NDUFA12: variants seen among roughly 807,000 people sequenced by gnomAD.
NDUFA12 encodes NADH dehydrogenase [ubiquinone] 1 alpha subcomplex subunit 12.
In NDUFA12, 17 loss-of-function variants were observed where a neutral mutation model predicts 20.3. The ratio of observed to expected loss-of-function variants is 0.84; its 90% confidence interval spans 0.57 to 1.26. The LOEUF (loss-of-function observed/expected upper bound fraction) is 1.26, where lower values mean the gene tolerates loss of function less well. NDUFA12 is among the 50% of genes most tolerant of loss of function. The pLI, the probability that NDUFA12 is intolerant of heterozygous loss-of-function variation, is 0.00. For synonymous variants in NDUFA12, 72 were observed against 63.6 expected (o/e 1.13, Z -0.63); for missense variants, 191 against 183.7 (o/e 1.04, Z -0.23).
At chr12:94,985,626 CAAAAAA>C (rs35674364) in intron 3 of NDUFA12, among the ~76,000 whole-genome samples, 2 of 43,570 alleles carry the variant, frequency 4.6e-5, no homozygotes, top group African/African-American at 9.0e-5. Flanking sequence ...GACTCCATCT[CAAAAAA>C]AAAAAAAAAA....
At chr12:95,001,738 C>T (rs1875039781) in intron 2 of NDUFA12, among the ~76,000 whole-genome samples, 1 of 152,176 alleles carries the variant, frequency 6.6e-6, no homozygotes, top group African/African-American at 2.4e-5. Context: ...AAGAGTCTCG[C>T]TCTGTTGCCA....
At chr12:94,992,281 A>T (rs551865284) in intron 3 of NDUFA12, among the ~76,000 whole-genome samples, 1 of 152,342 alleles carries the variant, frequency 6.6e-6, no homozygotes, top group African/African-American at 2.4e-5. Flanking sequence ...TGCGTATTAT[A>T]AAGTCATACA....
chr12:94,988,673 C>T (rs1392261601), intron 3 of NDUFA12, among the ~76,000 whole-genome samples: 3 of 152,136 alleles, frequency 2.0e-5, no homozygotes, highest in Non-Finnish European at 4.4e-5. Flanking sequence ...AAGACACATA[C>T]CCCCTTGAAG....
At chr12:94,984,680 A>T (rs1761237190) in intron 3 of NDUFA12, among the ~76,000 whole-genome samples, 1 of 121,438 alleles carries the variant, frequency 8.2e-6, no homozygotes, top group Non-Finnish European at 1.6e-5. Context: ...AATGATGAAG[A>T]CTTTTCAAAA....
Position 95,002,847 on chromosome 12 carries a change from C to T in NDUFA12, c.87-26G>A, listed in dbSNP as rs531715488. 2.3e-4 allele frequency: 364 copies of T among 1,573,010 alleles called. 4 individuals are homozygous for T. The South Asian group carries it at 3.7e-3, about 16-fold the overall frequency. On this transcript the variant is annotated intron_variant, in intron 1 of 3. Transcript: ENST00000327772. The stretch of plus-strand genomic sequence containing the variant: ...CTGTGAATACCCAAAAGAAAACAGA[C>T]ATTTTAGAATGATTCTTAGTTCAAA...
At chr12:94,971,699 G>A (rs1698786708) in intron 3 of NDUFA12, 79 bp from the exon 4 acceptor site, 1 of 1,522,634 alleles carries the variant, frequency 6.6e-7, no homozygotes, top group Non-Finnish European at 9.1e-7. Flanking sequence ...ACGTAGCCCT[G>A]GAACTATTTT....
chr12:94,991,538 G>A (rs1440560661), intron 3 of NDUFA12, among the ~76,000 whole-genome samples: 1 of 151,832 alleles, frequency 6.6e-6, no homozygotes. Context: ...GACCAACCTG[G>A]CCAACATGGT....
At chr12:94,988,212 G>A (rs955791496) in intron 3 of NDUFA12, among the ~76,000 whole-genome samples, 1 of 152,044 alleles carries the variant, frequency 6.6e-6, no homozygotes, top group African/African-American at 2.4e-5. Flanking sequence ...TAATTCTCAA[G>A]CCCAACCAAA....
At chr12:94,973,666 G>A (rs894727767) in intron 3 of NDUFA12, among the ~76,000 whole-genome samples, 1 of 152,170 alleles carries the variant, frequency 6.6e-6, no homozygotes, top group African/African-American at 2.4e-5. Flanking sequence ...AAGTGAGGAA[G>A]TGAAGAGCTC....
At chr12:94,977,137 T>A (rs532084397) in intron 3 of NDUFA12, among the ~76,000 whole-genome samples, 3 of 152,332 alleles carry the variant, frequency 2.0e-5, no homozygotes, top group African/African-American at 4.8e-5. Context: ...TAGGAAGGAC[T>A]TACTTTGAAG....
chr12:95,003,496 G>A, intron 1 of NDUFA12, 99 bp downstream of exon 1: 1 of 1,281,952 alleles, frequency 7.8e-7, no homozygotes, highest in South Asian at 1.2e-5. Context: ...GACAAGAGCT[G>A]TGGATTCTCC....
At chr12:94,988,010 T>C (rs1874511754) in intron 3 of NDUFA12, among the ~76,000 whole-genome samples, 2 of 152,156 alleles carry the variant, frequency 1.3e-5, no homozygotes, top group South Asian at 4.1e-4. Flanking sequence ...TAGTCACTTC[T>C]CCACCCAATT....
intron 2 of NDUFA12, among the ~76,000 whole-genome samples, chr12:95,002,179 C>A (rs538283127): frequency 1.3e-5 from 2 of 151,378 alleles, no homozygotes; most frequent in South Asian, 4.2e-4. Flanking sequence ...CAGTGGCTCA[C>A]GCCTGTAATC....
chr12:94,978,018 T>C (rs1874113126), intron 3 of NDUFA12, among the ~76,000 whole-genome samples: 1 of 150,412 alleles, frequency 6.6e-6, no homozygotes, highest in Non-Finnish European at 1.5e-5. Context: ...GAGTTGGGAG[T>C]ATGTTCACTG....
intron 3 of NDUFA12, among the ~76,000 whole-genome samples, chr12:94,976,352 C>T (rs903708760): frequency 6.6e-6 from 1 of 152,084 alleles, no homozygotes; most frequent in Non-Finnish European, 1.5e-5. Flanking sequence ...GCATAGAAAT[C>T]GAGGAGATAA....
At chr12:94,986,156 G>T (rs1415710297) in intron 3 of NDUFA12, among the ~76,000 whole-genome samples, 5 of 151,892 alleles carry the variant, frequency 3.3e-5, no homozygotes, top group Non-Finnish European at 7.4e-5. Context: ...TGGGAAGATC[G>T]CTTGAGCACA....
chr12:94,979,835 C>CAA lies in NDUFA12; in HGVS notation c.258-8217_258-8216dup, dbSNP rs35821688. ...GGGTGACAAGAGCAAGACCCTGTCT[C>CAA]AAAAAAAAAAAAAAGGATTAATGGA... On this transcript the variant is annotated intron_variant, in intron 3 of 3. Coordinates refer to ENST00000327772, the MANE Select transcript of NDUFA12 (RefSeq NM_018838.5). Among the ~76,000 whole-genome samples, 1,273 of 137,260 alleles carry CAA rather than the reference C, an allele frequency of 9.3e-3. 18 individuals are homozygous for CAA. The highest frequency in any genetic ancestry group is 0.03 in the African/African-American group (1,120 of 37,140). The allele number at this position is 137,260 out of a possible 152,430, so 90.0% of individuals were successfully genotyped here.
At chr12:94,981,121 A>T (rs377323475) in intron 3 of NDUFA12, among the ~76,000 whole-genome samples, 10 of 152,230 alleles carry the variant, frequency 6.6e-5, no homozygotes, top group African/African-American at 2.4e-4. Context: ...AAAAAAAGAA[A>T]GAAAAAGTAG....
chr12:94,973,968 CTTTTTTTTTTTT>C (rs35862087), intron 3 of NDUFA12, among the ~76,000 whole-genome samples: 2 of 100,954 alleles, frequency 2.0e-5, no homozygotes. Flanking sequence ...ACTCTTGGGT[CTTTTTTTTTTTT>C]TTTTTTTTTG....
Sources: allele counts gnomAD v4.1 joint callset (sites outside exome capture counted in the v4.1 genomes callset), GRCh38; gene constraint gnomAD v4.1.1; transcripts MANE v1.5; gene names NCBI Gene and HGNC (gene_info 2026-07-23, HGNC 2026-07-21).